The following ATRNL1 variants were observed in gnomAD, a reference collection of about 807,000 sequenced individuals.
ATRNL1 encodes attractin like 1, also known as attractin-like protein 1.
In ATRNL1, 95 loss-of-function variants were observed where a neutral mutation model predicts 182.7. The observed-to-expected ratio is 0.52, with a 90% confidence interval of 0.44 to 0.62. The LOEUF (loss-of-function observed/expected upper bound fraction) is 0.62, where lower values mean the gene tolerates loss of function less well. Among genes scored for constraint, ATRNL1 ranks in the 20% least tolerant of loss-of-function variants. The probability of loss-of-function intolerance (pLI) is 0.00; values close to 1 mark genes in which losing one functional copy is unlikely to be tolerated. For missense variants in ATRNL1, 1,471 were observed against 1,679.5 expected, an observed-to-expected ratio of 0.88 and a Z score of 2.17; for synonymous variants, 576 against 568.3, an observed-to-expected ratio of 1.01 and a Z score of -0.19.
intron 26 of ATRNL1, among the ~76,000 whole-genome samples, chr10:115,701,085 AT>A (rs1946720455): frequency 6.6e-6 from 1 of 152,152 alleles, no homozygotes; most frequent in Non-Finnish European, 1.5e-5. Flanking sequence ...AATTTTTGAA[AT>A]TGAAAATATA....
intron 24 of ATRNL1, among the ~76,000 whole-genome samples, chr10:115,487,170 G>T (rs34135158): frequency 6.6e-6 from 1 of 152,002 alleles, no homozygotes; most frequent in South Asian, 2.1e-4. Context: ...GTCAGGTTAC[G>T]TGATGCCTCC....
intron 26 of ATRNL1, among the ~76,000 whole-genome samples, chr10:115,655,626 A>T (rs1003626200): frequency 3.9e-5 from 6 of 152,224 alleles, no homozygotes; most frequent in African/African-American, 1.4e-4. Flanking sequence ...CTGAGGTGGC[A>T]GCAAGAACAA....
At chr10:115,696,107 C>T (rs1946549889) in intron 26 of ATRNL1, among the ~76,000 whole-genome samples, 1 of 152,088 alleles carries the variant, frequency 6.6e-6, no homozygotes, top group Non-Finnish European at 1.5e-5. Flanking sequence ...ACCATGTTAG[C>T]CAGGATGGTC....
At chr10:115,114,873 A>C (rs747206018) in intron 1 of ATRNL1, among the ~76,000 whole-genome samples, 8 of 151,868 alleles carry the variant, frequency 5.3e-5, no homozygotes, top group Non-Finnish European at 1.0e-4. Flanking sequence ...ATGATCCAGC[A>C]GTCTGAGTAT....
At chr10:115,665,143 A>G (rs1459402797) in intron 26 of ATRNL1, among the ~76,000 whole-genome samples, 5 of 152,164 alleles carry the variant, frequency 3.3e-5, no homozygotes, top group Non-Finnish European at 7.4e-5. Context: ...TGTTGTGGCC[A>G]GCATTAAAAT....
chr10:115,466,767 A>T (rs956766289), intron 22 of ATRNL1, among the ~76,000 whole-genome samples: 14 of 151,250 alleles, frequency 9.3e-5, no homozygotes, highest in Non-Finnish European at 1.9e-4. Context: ...GTCTTTTAAA[A>T]AAATAATCTT....
chr10:115,590,003 G>T (rs1855806923), intron 26 of ATRNL1, among the ~76,000 whole-genome samples: 1 of 152,138 alleles, frequency 6.6e-6, no homozygotes, highest in African/African-American at 2.4e-5. Context: ...ATAGCAGTTT[G>T]CTTTAGCATT....
intron 19 of ATRNL1, among the ~76,000 whole-genome samples, chr10:115,337,376 T>G (rs1370199807): frequency 2.6e-5 from 4 of 152,172 alleles, no homozygotes; most frequent in Non-Finnish European, 5.9e-5. Flanking sequence ...TATTTTAAAA[T>G]GTACAATTAA....
At chr10:115,487,700 TC>T (rs1431332719) in intron 24 of ATRNL1, among the ~76,000 whole-genome samples, 1 of 152,190 alleles carries the variant, frequency 6.6e-6, no homozygotes, top group Non-Finnish European at 1.5e-5. Flanking sequence ...CTTCCTCTTT[TC>T]CTATTTGAAT....
chr10:115,660,852 T>C (rs1555037506), intron 26 of ATRNL1, among the ~76,000 whole-genome samples: 2 of 152,244 alleles, frequency 1.3e-5, no homozygotes, highest in African/African-American at 4.8e-5. Flanking sequence ...CATTTACATA[T>C]GTAAGTACAC....
chr10:115,529,242 C>G (rs545107249), intron 25 of ATRNL1, among the ~76,000 whole-genome samples: 12 of 151,940 alleles, frequency 7.9e-5, no homozygotes, highest in African/African-American at 2.4e-4. Context: ...GGATTTCTCT[C>G]TGTTCCTATT....
intron 18 of ATRNL1, among the ~76,000 whole-genome samples, chr10:115,321,671 CTTT>C (rs528619167): frequency 3.2e-5 from 4 of 125,816 alleles, no homozygotes; most frequent in African/African-American, 9.0e-5. Flanking sequence ...AAGGTGAAAG[CTTT>C]TTTTTTTTTT....
At chr10:115,572,486 C>G (rs782732085) in intron 26 of ATRNL1, among the ~76,000 whole-genome samples, 9 of 152,054 alleles carry the variant, frequency 5.9e-5, no homozygotes, top group Non-Finnish European at 1.0e-4. Context: ...CCTTCAAAAA[C>G]TAGGTACATG....
rs1554896061 is a variant in ATRNL1 at position 115,215,756 on chromosome 10, C to T, written c.1408C>T (p.His470Tyr). The change falls in exon 9 of 29, where the codon CAT (histidine) becomes TAT (tyrosine). Residue 470 changes from histidine to tyrosine, a missense_variant. His to Tyr is a moderately conservative substitution (Grantham distance 83). Transcript: ENST00000355044. The part of the protein sequence containing the change: ...KGAIVQGGYG[H>Y]TSVYDEITKS... The stretch of plus-strand genomic sequence containing the variant: ...AGCTATTGTACAAGGTGGATATGGC[C>T]ATACTAGTGTGTATGATGAAATAAC... The T allele has an allele frequency of 2.5e-6, 4 of 1,609,072 alleles. No individual in the cohort carries two copies. Among genetic ancestry groups the T allele is most frequent in the Non-Finnish European group, 2.5e-6 (3 of 1,178,186 alleles).
intron 28 of ATRNL1, among the ~76,000 whole-genome samples, chr10:115,926,920 G>T (rs1953253883): frequency 1.3e-5 from 2 of 152,114 alleles, no homozygotes; most frequent in Admixed American, 1.3e-4. Context: ...ATTTTATGAA[G>T]CCAGCATCAT....
chr10:115,623,766 T>A (rs1857923170), intron 26 of ATRNL1, among the ~76,000 whole-genome samples: 1 of 152,078 alleles, frequency 6.6e-6, no homozygotes, highest in Admixed American at 6.5e-5. Context: ...ACATAATCAA[T>A]GATAGGTTTG....
intron 26 of ATRNL1, among the ~76,000 whole-genome samples, chr10:115,629,699 G>A (rs79403473): frequency 1.9e-3 from 292 of 152,218 alleles, no homozygotes; most frequent in African/African-American, 6.9e-3. Flanking sequence ...AACCAACTCG[G>A]AATTCAGAAC....
intron 1 of ATRNL1, among the ~76,000 whole-genome samples, chr10:115,109,338 T>G (rs1386097759): frequency 6.6e-6 from 1 of 152,168 alleles, no homozygotes; most frequent in East Asian, 1.9e-4. Flanking sequence ...GAATAAAAAT[T>G]TATTGGCTTA....
At chr10:115,858,265 A>G (rs946636308) in intron 28 of ATRNL1, among the ~76,000 whole-genome samples, 3 of 152,228 alleles carry the variant, frequency 2.0e-5, no homozygotes, top group African/African-American at 7.2e-5. Flanking sequence ...AGCACTGTTC[A>G]CAATAGCAAA....
Sources: allele counts gnomAD v4.1 joint callset (sites outside exome capture counted in the v4.1 genomes callset), GRCh38; gene constraint gnomAD v4.1.1; transcripts MANE v1.5; gene names NCBI Gene and HGNC (gene_info 2026-07-23, HGNC 2026-07-21).